Variants in SYT2 observed in about 807,000 individuals in gnomAD.
SYT2 encodes the protein synaptotagmin 2.
Under a neutral mutation model 39.9 loss-of-function variants are expected in SYT2, and 15 were observed. The ratio of observed to expected loss-of-function variants is 0.38; its 90% CI spans 0.25 to 0.58. The LOEUF (loss-of-function observed/expected upper bound fraction) is 0.58. Ranked by LOEUF, SYT2 falls within the 20% of genes least tolerant of loss-of-function variation. The probability of loss-of-function intolerance (pLI) is 0.70; values close to 1 mark genes in which losing one functional copy is unlikely to be tolerated. For missense variants in SYT2, 389 were observed against 530.3 expected, an observed-to-expected ratio of 0.73 and a Z score of 2.62; for synonymous variants, 181 against 204.5, an observed-to-expected ratio of 0.89 and a Z score of 0.98.
In SYT2 at chr1:202,623,823, G is replaced by A. The variant is rs575748631; in HGVS notation, c.-17-18034C>T. Among the ~76,000 whole-genome samples, 1 of 152,148 alleles carries A rather than the reference G, an allele frequency of 6.6e-6. No homozygotes were observed. The highest frequency in any genetic ancestry group is 6.5e-5 in the Admixed American group (1 of 15,280). On this transcript the variant is annotated intron_variant, in intron 1 of 8. Coordinates refer to ENST00000367268, the MANE Select transcript of SYT2 (RefSeq NM_177402.5). This position sits in a 1 kb window ranked among gnomAD's most constrained non-coding sequence, Gnocchi z 4.2. ...CCAGCTGGGGGAGCGCTCACCAGGG[G>A]AAAGGGGAGCTCTCTGTGGCTTAGC...
chr1:202,691,041 G>C (rs971183376), intron 1 of SYT2, among the ~76,000 whole-genome samples: 3 of 152,186 alleles, frequency 2.0e-5, no homozygotes, highest in African/African-American at 7.2e-5. Flanking sequence ...TGCTAAGCAA[G>C]AGTCTGCCTC....
At position 202,597,072 on chromosome 1, in the gene SYT2, T is replaced by C. The variant is rs9633344; in HGVS notation, c.1054-109A>G. ...CAATGATTGGGAAGGTAAGGCCTCC[T>C]GGGGCTCCTTGGTTTCATCTCTGCT... On this transcript the variant is annotated intron_variant, in intron 8 of 8. Transcript: ENST00000367268. 0.63 allele frequency: 583,473 copies of C among 922,144 alleles called. 185,546 individuals carry two copies. Among genetic ancestry groups the C allele is most frequent in the Admixed American group, 0.75 (32,452 of 43,522 alleles). 57.1% of individuals were successfully genotyped at this position (922,144 alleles called of 1,614,324 possible). A position where few individuals can be genotyped will look rare whatever the true frequency, so the allele number is the denominator to read the frequency against.
At chr1:202,612,595 G>A (rs1467686663) in intron 1 of SYT2, among the ~76,000 whole-genome samples, 3 of 152,148 alleles carry the variant, frequency 2.0e-5, no homozygotes, top group Non-Finnish European at 4.4e-5. Flanking sequence ...TCGAACTCCT[G>A]GGCTCATGCA....
At chr1:202,668,089 A>G (rs115030575) in intron 1 of SYT2, among the ~76,000 whole-genome samples, 2,508 of 152,308 alleles carry the variant, frequency 0.016, 34 homozygotes, top group Middle Eastern at 0.044. Context: ...ATAAATGGAG[A>G]AGGACATTTT....
intron 1 of SYT2, among the ~76,000 whole-genome samples, chr1:202,618,844 CCT>C (rs1223196876): frequency 1.3e-5 from 2 of 152,114 alleles, no homozygotes; most frequent in East Asian, 1.9e-4. Context: ...GATGTGACCC[CCT>C]GTCACCTGGC....
chr1:202,659,225 C>A (rs1356004239), intron 1 of SYT2, among the ~76,000 whole-genome samples: 4 of 152,176 alleles, frequency 2.6e-5, no homozygotes, highest in Non-Finnish European at 5.9e-5. Context: ...TGCACACATG[C>A]TACCTCTGTC....
intron 1 of SYT2, among the ~76,000 whole-genome samples, chr1:202,625,546 C>T (rs1262424743): frequency 2.6e-5 from 4 of 151,920 alleles, no homozygotes; most frequent in African/African-American, 4.8e-5. Context: ...GGAGAGACCG[C>T]GGCCTCCTCC....
intron 1 of SYT2, among the ~76,000 whole-genome samples, chr1:202,659,278 A>G (rs1423156157): frequency 1.3e-5 from 2 of 152,136 alleles, no homozygotes; most frequent in African/African-American, 2.4e-5. Context: ...GGAACTTTTT[A>G]GTCCAGCTCT....
At chr1:202,602,130 C>T in intron 5 of SYT2, 73 bp from the exon 6 acceptor site, 1 of 1,530,854 alleles carries the variant, frequency 6.5e-7, no homozygotes, top group Non-Finnish European at 8.9e-7. Context: ...GGGCAGGGGC[C>T]TGCATTCCAG....
intron 1 of SYT2, among the ~76,000 whole-genome samples, chr1:202,696,870 C>T (rs1469953758): frequency 2.0e-5 from 3 of 152,238 alleles, no homozygotes; most frequent in Non-Finnish European, 4.4e-5. Flanking sequence ...GTGAGCTCTT[C>T]GCATTGGTGC....
intron 1 of SYT2, among the ~76,000 whole-genome samples, chr1:202,684,512 G>T (rs141575355): frequency 6.6e-6 from 1 of 152,134 alleles, no homozygotes; most frequent in African/African-American, 2.4e-5. Context: ...TCGTGTATAT[G>T]CGCCATATTT....
chr1:202,697,377 T>C (rs1417906778), intron 1 of SYT2, among the ~76,000 whole-genome samples: 4 of 152,216 alleles, frequency 2.6e-5, no homozygotes, highest in Non-Finnish European at 5.9e-5. Context: ...TTCCAAGGAA[T>C]GTGAGAGGGA....
At position 202,663,278 on chromosome 1, in the gene SYT2, G is replaced by A. The variant is rs141909063; in HGVS notation, c.-18+46980C>T. Among the ~76,000 whole-genome samples the A allele has an allele frequency of 4.2e-3, 636 of 152,304 alleles. 10 individuals are homozygous for A. The highest frequency in any genetic ancestry group is 0.014 in the African/African-American group (580 of 41,562). ...TACCCTCAGCAATAAGAAGGGTTCTGGGATAGCAGGTTTTATCGGCAGCCA... is the reference window on the plus strand; with the variant it reads ...TACCCTCAGCAATAAGAAGGGTTCTAGGATAGCAGGTTTTATCGGCAGCCA... On this transcript the variant is annotated intron_variant, in intron 1 of 8. Transcript: ENST00000367268.
At chr1:202,696,987 C>T (rs1252229409) in intron 1 of SYT2, among the ~76,000 whole-genome samples, 1 of 152,270 alleles carries the variant, frequency 6.6e-6, no homozygotes, top group East Asian at 1.9e-4. Context: ...AGCTTTGGTC[C>T]CAGACACATG....
At chr1:202,687,519 G>C (rs1441525860) in intron 1 of SYT2, among the ~76,000 whole-genome samples, 1 of 152,038 alleles carries the variant, frequency 6.6e-6, no homozygotes. Context: ...TGACAACTGC[G>C]TGTCTGTCAG....
chr1:202,685,886 G>C lies in SYT2; in HGVS notation c.-18+24372C>G, dbSNP rs565119023. ...GCAAGGCGAGGGAATGAGATCATCC[G>C]GACACAGTCTCAGAGGCTCTGGGGC... On this transcript the variant is annotated intron_variant, in intron 1 of 8. Transcript: ENST00000367268. Among the ~76,000 whole-genome samples the C allele has an allele frequency of 5.3e-5, 8 of 152,128 alleles. No individual in the cohort carries two copies. The South Asian group carries it at 1.0e-3, about 20-fold the overall frequency.
chr1:202,649,124 A>C (rs531182739), intron 1 of SYT2, among the ~76,000 whole-genome samples: 7 of 152,388 alleles, frequency 4.6e-5, no homozygotes, highest in African/African-American at 1.7e-4. Flanking sequence ...AGACAGGCAC[A>C]TCAGCAGGAG....
At chr1:202,602,903 C>T in intron 4 of SYT2, 96 bp downstream of exon 4, 2 of 1,448,034 alleles carry the variant, frequency 1.4e-6, no homozygotes, top group East Asian at 2.3e-5. Flanking sequence ...GGAGTAGTGC[C>T]CACACATCTC....
chr1:202,692,544 C>A (rs1653863103), intron 1 of SYT2, among the ~76,000 whole-genome samples: 1 of 152,182 alleles, frequency 6.6e-6, no homozygotes, highest in Non-Finnish European at 1.5e-5. Flanking sequence ...TAACTCAGGC[C>A]TTGCATGTTA....
Sources: gnomAD v4.1 joint callset for allele counts (sites outside exome capture counted in the v4.1 genomes callset) on GRCh38, gnomAD v4.1.1 for gene constraint, Gnocchi (gnomAD v3.1) non-coding constraint, MANE v1.5 for transcripts, NCBI Gene and HGNC (gene_info 2026-07-23, HGNC 2026-07-21) for gene names.